FBLN2: variants seen among roughly 807,000 people sequenced by gnomAD.
The protein encoded by FBLN2 is fibulin 2, also known as fibulin-2.
In FBLN2, 81 loss-of-function variants were observed where a neutral mutation model predicts 123.7. The ratio of observed to expected loss-of-function variants is 0.65; its 90% CI spans 0.55 to 0.79. The LOEUF is 0.79. Ranked by LOEUF, FBLN2 falls within the 30% of genes least tolerant of loss-of-function variation. The probability of loss-of-function intolerance (pLI) is 0.00; values close to 1 mark genes in which losing one functional copy is unlikely to be tolerated. For missense variants in FBLN2, 1,603 were observed against 1,681.3 expected (o/e 0.95, Z 0.81); for synonymous variants, 699 against 701.4 (o/e 1.00, Z 0.05).
Position 13,638,103 on chromosome 3 carries a change from C to T in FBLN2, c.*184C>T, listed in dbSNP as rs778711885. 6 of 677,632 alleles carry T rather than the reference C, an allele frequency of 8.9e-6. No individual in the cohort carries two copies. The highest frequency in any genetic ancestry group is 3.7e-5 in the African/African-American group (2 of 54,642). The allele number at this position is 677,632 out of a possible 1,614,324, so 42.0% of individuals were successfully genotyped here. ...GGAGGAAGTTCCACGGCAGGTGGTG[C>T]GTTCCCACGCAGGCACCAAGTGGAA... On this transcript the variant is annotated 3_prime_UTR_variant, in exon 18 of 18. Transcript: ENST00000404922.
chr3:13,609,688 G>GCCC, intron 4 of FBLN2, 46 bp downstream of exon 4: 8 of 512,580 alleles, frequency 1.6e-5, no homozygotes, highest in East Asian at 6.7e-5. Context: ...GTGGGGCGGG[G>GCCC]CGGGAGGCTG....
intron 7 of FBLN2, 35 bp downstream of exon 7, chr3:13,619,052 C>T (rs754845183): frequency 4.9e-5 from 75 of 1,524,534 alleles, no homozygotes; most frequent in Non-Finnish European, 6.6e-5. Flanking sequence ...AGGACAGGGC[C>T]CAGGGTCCAG....
intron 1 of FBLN2, among the ~76,000 whole-genome samples, chr3:13,563,890 C>A (rs1176964139): frequency 1.3e-5 from 2 of 152,138 alleles, no homozygotes; most frequent in African/African-American, 2.4e-5. Context: ...GAGCTCCCAC[C>A]TCATCCAGGC....
At chr3:13,576,234 A>G (rs1312565244) in intron 2 of FBLN2, among the ~76,000 whole-genome samples, 2 of 152,196 alleles carry the variant, frequency 1.3e-5, no homozygotes, top group Non-Finnish European at 1.5e-5. Flanking sequence ...GGCCACAGCT[A>G]TGGGCAGCAG....
intron 8 of FBLN2, among the ~76,000 whole-genome samples, 173 bp downstream of exon 8, chr3:13,620,004 G>A (rs751933131): frequency 2.1e-4 from 32 of 152,148 alleles, no homozygotes; most frequent in Non-Finnish European, 1.0e-4. Context: ...CCCTCTCACC[G>A]TACGTGCGGT....
chr3:13,589,995 G>T (rs1392046360), intron 2 of FBLN2, among the ~76,000 whole-genome samples: 1 of 152,134 alleles, frequency 6.6e-6, no homozygotes, highest in Non-Finnish European at 1.5e-5. Flanking sequence ...AAAGCAACAA[G>T]CCTTAATAGA....
Position 13,629,038 on chromosome 3 carries a change from C to T in FBLN2, c.2703C>T (p.Thr901=), listed in dbSNP as rs1317842848. The T allele has an allele frequency of 5.7e-5, 92 of 1,613,116 alleles. No homozygotes were observed. The highest frequency in any genetic ancestry group is 7.5e-5 in the Non-Finnish European group (89 of 1,179,750). Residue 901 remains threonine (T), a synonymous_variant, in exon 12 of 18, where the codon ACC becomes ACT. Transcript: ENST00000404922. ...GCTACCACGCCAGCGATGATGGGACCAAGTGTGTGGGTAAGGCCAGCCGCC... is the reference window on the plus strand; with the variant it reads ...GCTACCACGCCAGCGATGATGGGACTAAGTGTGTGGGTAAGGCCAGCCGCC... The part of the protein sequence containing the change: ...ARGYHASDDG[T]KCVDVNECET...
Position 13,629,208 on chromosome 3 carries a change from C to T in FBLN2, c.2758C>T (p.Gln920Ter), listed in dbSNP as rs1034081177. 2.5e-6 allele frequency: 4 copies of T among 1,613,228 alleles called. No individual in the cohort carries two copies. The highest frequency in any genetic ancestry group is 3.4e-6 in the Non-Finnish European group (4 of 1,179,770). ...AGGTGTGCACCGCTGCGGTGAGGGC[C>T]AAGTGTGCCACAACCTCCCTGGCTC... ...ETGVHRCGEG[Q>*]VCHNLPGSYR... The change falls in exon 13 of 18, where the codon CAA (glutamine) becomes TAA (stop). Residue 920 changes from glutamine to a stop codon, truncating the protein, a stop_gained. Transcript: ENST00000404922. LOFTEE classifies it high-confidence loss of function.
chr3:13,574,468 C>A (rs892094214), intron 2 of FBLN2, among the ~76,000 whole-genome samples: 1 of 152,320 alleles, frequency 6.6e-6, no homozygotes, highest in East Asian at 1.9e-4. Flanking sequence ...CTTCCCAGCC[C>A]AGGGAGCCGG....
At chr3:13,550,181 CT>C (rs1372239525) in intron 1 of FBLN2, among the ~76,000 whole-genome samples, 1 of 152,206 alleles carries the variant, frequency 6.6e-6, no homozygotes, top group African/African-American at 2.4e-5. Flanking sequence ...CTCCCCTGTC[CT>C]AGGGGGTGGG....
chr3:13,586,509 T>C (rs2124848640), intron 2 of FBLN2, among the ~76,000 whole-genome samples: 1 of 149,130 alleles, frequency 6.7e-6, no homozygotes, highest in African/African-American at 2.5e-5. Context: ...TTTTTTTTTT[T>C]TTTATTGAAA....
At chr3:13,613,142 A>G (rs571778748) in intron 4 of FBLN2, among the ~76,000 whole-genome samples, 5 of 152,348 alleles carry the variant, frequency 3.3e-5, no homozygotes, top group African/African-American at 9.6e-5. Context: ...TTCCAAGAAA[A>G]TAAATAGAAG....
chr3:13,571,591 G>T lies in FBLN2; in HGVS notation c.1236G>T (p.Leu412=). The change falls in exon 2 of 18, where the codon CTG becomes CTT. Residue 412 remains leucine, a synonymous_variant. Coordinates refer to ENST00000404922, the MANE Select transcript of FBLN2 (RefSeq NM_001004019.2). ...TREVPRKPQV[L]PHSHVEEDTD... ...AAGTGCCCAGGAAGCCGCAAGTTCT[G>T]CCCCATTCCCACGTGGAGGAGGACA... 6.2e-7 allele frequency: 1 copy of T among 1,613,346 alleles called. No homozygotes were observed. Among genetic ancestry groups the T allele is most frequent in the Non-Finnish European group, 8.5e-7 (1 of 1,179,658 alleles).
intron 10 of FBLN2, 32 bp downstream of exon 10, chr3:13,626,611 C>T (rs1222474161): frequency 6.6e-7 from 1 of 1,513,542 alleles, no homozygotes; most frequent in Non-Finnish European, 8.9e-7. Flanking sequence ...CAACTGGAGG[C>T]CCCGCCCCAT....
intron 2 of FBLN2, among the ~76,000 whole-genome samples, chr3:13,603,991 T>G (rs1018674225): frequency 1.3e-5 from 2 of 152,240 alleles, no homozygotes; most frequent in African/African-American, 4.8e-5. Context: ...TGGCCAGTGA[T>G]GATGAGCATT....
chr3:13,572,438 GGTCACACAACCA>G (rs1445735012), intron 2 of FBLN2, among the ~76,000 whole-genome samples: 1 of 152,260 alleles, frequency 6.6e-6, no homozygotes, highest in Non-Finnish European at 1.5e-5. Flanking sequence ...TGGAGGCTCA[GGTCACACAACCA>G]GTGAGCAGTG....
At chr3:13,573,187 C>T (rs932749668) in intron 2 of FBLN2, among the ~76,000 whole-genome samples, 3 of 6,826 alleles carry the variant, frequency 4.4e-4, no homozygotes, top group Non-Finnish European at 6.4e-4. Flanking sequence ...ATATGGCTCC[C>T]TCCGGCCGGC....
intron 1 of FBLN2, among the ~76,000 whole-genome samples, chr3:13,555,785 G>A (rs909916977): frequency 2.6e-5 from 4 of 152,344 alleles, no homozygotes; most frequent in South Asian, 2.1e-4. Context: ...GTTGGCAAGC[G>A]TCTGAGAGGT....
chr3:13,620,518 AG>A (rs2124896497), intron 8 of FBLN2, among the ~76,000 whole-genome samples: 1 of 152,232 alleles, frequency 6.6e-6, no homozygotes, highest in Non-Finnish European at 1.5e-5. Flanking sequence ...GGCCCCGCCT[AG>A]GTCTGGGTCT....
Sources: gnomAD v4.1 joint callset for allele counts (sites outside exome capture counted in the v4.1 genomes callset) on GRCh38, gnomAD v4.1.1 for gene constraint, MANE v1.5 for transcripts, NCBI Gene and HGNC (gene_info 2026-07-23, HGNC 2026-07-21) for gene names.